The following SPAG16 variants were observed in gnomAD, a reference collection of about 807,000 sequenced individuals.
The protein encoded by SPAG16 is sperm associated antigen 16, also known as sperm-associated antigen 16 protein.
In SPAG16, 86 loss-of-function variants were observed where a neutral mutation model predicts 80.4. That is an observed-to-expected ratio of 1.07 (90% CI 0.90 to 1.28). The LOEUF is 1.28. Among genes scored for constraint, SPAG16 ranks in the 50% most tolerant of loss-of-function variants. The probability of loss-of-function intolerance (pLI) is 0.00; values close to 1 mark genes in which losing one functional copy is unlikely to be tolerated. For missense variants in SPAG16, 870 were observed against 765.3 expected, an observed-to-expected ratio of 1.14 and a Z score of -1.61; for synonymous variants, 294 against 265.9, an observed-to-expected ratio of 1.11 and a Z score of -1.03.
intron 10 of SPAG16, among the ~76,000 whole-genome samples, chr2:213,715,664 A>G (rs1381988934): frequency 6.6e-6 from 1 of 152,216 alleles, no homozygotes; most frequent in Non-Finnish European, 1.5e-5. Flanking sequence ...AATTAATGCT[A>G]GCCATCTTTT....
intron 13 of SPAG16, among the ~76,000 whole-genome samples, chr2:214,082,107 C>T (rs1317040179): frequency 3.9e-5 from 6 of 152,080 alleles, no homozygotes. Flanking sequence ...CTCTTCTTGC[C>T]CCTCGCTTTT....
intron 11 of SPAG16, among the ~76,000 whole-genome samples, chr2:213,890,178 C>G (rs1278011225): frequency 6.6e-6 from 1 of 151,976 alleles, no homozygotes. Flanking sequence ...GAGAAGGACA[C>G]TTTTTAGAAA....
chr2:214,110,183 A>G (rs1291979542), intron 14 of SPAG16, among the ~76,000 whole-genome samples: 6 of 152,136 alleles, frequency 3.9e-5, no homozygotes, highest in Non-Finnish European at 7.4e-5. Flanking sequence ...GTACATGTGC[A>G]CAACATGCAG....
intron 14 of SPAG16, among the ~76,000 whole-genome samples, chr2:214,134,644 C>G (rs1003080066): frequency 2.0e-5 from 3 of 152,128 alleles, no homozygotes; most frequent in African/African-American, 7.2e-5. Context: ...TTACTTATAA[C>G]AAACTTGAGT....
At chr2:213,677,938 C>G (rs1482454723) in intron 10 of SPAG16, among the ~76,000 whole-genome samples, 2 of 151,974 alleles carry the variant, frequency 1.3e-5, no homozygotes, top group African/African-American at 2.4e-5. Flanking sequence ...ACAGTGCAAT[C>G]AAACTAGAAC....
chr2:213,368,679 C>T (rs558190088), intron 8 of SPAG16, among the ~76,000 whole-genome samples: 1 of 152,210 alleles, frequency 6.6e-6, no homozygotes, highest in South Asian at 2.1e-4. Flanking sequence ...TCATCTCAGC[C>T]CAAAATCTCC....
At chr2:213,966,651 G>A (rs992361942) in intron 12 of SPAG16, among the ~76,000 whole-genome samples, 1 of 152,074 alleles carries the variant, frequency 6.6e-6, no homozygotes, top group Non-Finnish European at 1.5e-5. Flanking sequence ...ATCTTCTATG[G>A]TATACATATA....
intron 15 of SPAG16, chr2:214,281,466 T>C (rs958455763): frequency 6.0e-6 from 1 of 166,652 alleles, no homozygotes; most frequent in African/African-American, 2.4e-5. Flanking sequence ...GCAGAGCAAA[T>C]GCCCACGTCT....
At chr2:214,187,234 G>A (rs944731021) in intron 15 of SPAG16, among the ~76,000 whole-genome samples, 13 of 151,842 alleles carry the variant, frequency 8.6e-5, no homozygotes, top group Non-Finnish European at 1.5e-4. Context: ...ACAAAGTTCC[G>A]GTATATTCCT....
chr2:213,880,829 G>A (rs2076314213), intron 11 of SPAG16, among the ~76,000 whole-genome samples: 1 of 152,080 alleles, frequency 6.6e-6, no homozygotes, highest in African/African-American at 2.4e-5. Context: ...TGATGCATTA[G>A]TCTATGTCTC....
intron 8 of SPAG16, among the ~76,000 whole-genome samples, chr2:213,366,645 C>A (rs1462332990): frequency 2.0e-5 from 3 of 152,136 alleles, no homozygotes; most frequent in Non-Finnish European, 4.4e-5. Flanking sequence ...TACCTCCCAC[C>A]TGGTCCCTCC....
At chr2:213,630,461 A>T (rs1194717131) in intron 10 of SPAG16, among the ~76,000 whole-genome samples, 2 of 152,134 alleles carry the variant, frequency 1.3e-5, no homozygotes, top group African/African-American at 4.8e-5. Flanking sequence ...CAATTATATC[A>T]TGTCTATAAT....
intron 9 of SPAG16, among the ~76,000 whole-genome samples, chr2:213,477,113 A>C (rs569739530): frequency 6.6e-6 from 1 of 152,262 alleles, no homozygotes; most frequent in East Asian, 1.9e-4. Flanking sequence ...GGCATCATTC[A>C]GAAGAAATCA....
At chr2:213,681,087 G>A (rs538145423) in intron 10 of SPAG16, among the ~76,000 whole-genome samples, 1 of 152,138 alleles carries the variant, frequency 6.6e-6, no homozygotes, top group East Asian at 1.9e-4. Context: ...AGACCTAAAA[G>A]GGTACCTGGC....
At chr2:213,461,640 A>G (rs1354424060) in intron 9 of SPAG16, among the ~76,000 whole-genome samples, 1 of 152,226 alleles carries the variant, frequency 6.6e-6, no homozygotes. Flanking sequence ...ATAATGGCAC[A>G]TTTCAGGTTG....
chr2:213,495,773 T>C (rs1160162129), intron 10 of SPAG16, among the ~76,000 whole-genome samples: 3 of 152,170 alleles, frequency 2.0e-5, no homozygotes, highest in Non-Finnish European at 4.4e-5. Flanking sequence ...AAGTGAGACA[T>C]GTGGAGCACT....
intron 14 of SPAG16, among the ~76,000 whole-genome samples, chr2:214,119,660 C>A (rs2054115129): frequency 6.6e-6 from 1 of 151,886 alleles, no homozygotes; most frequent in African/African-American, 2.4e-5. Context: ...TCATGTAAAT[C>A]TTTGATATTT....
chr2:213,318,469 A>G (rs761253866), intron 5 of SPAG16, among the ~76,000 whole-genome samples: 22 of 151,958 alleles, frequency 1.4e-4, no homozygotes, highest in Non-Finnish European at 2.7e-4. Flanking sequence ...ATGGACATAT[A>G]GAATGGAATA....
At chr2:214,324,618 G>GTGACT (rs1696343635) in intron 15 of SPAG16, among the ~76,000 whole-genome samples, 1 of 152,078 alleles carries the variant, frequency 6.6e-6, no homozygotes, top group Admixed American at 6.6e-5. Flanking sequence ...TGGCATTTTG[G>GTGACT]TGACTTGCCA....
Sources: gnomAD v4.1 joint callset for allele counts (sites outside exome capture counted in the v4.1 genomes callset) on GRCh38, gnomAD v4.1.1 for gene constraint, MANE v1.5 for transcripts, NCBI Gene and HGNC (gene_info 2026-07-23, HGNC 2026-07-21) for gene names.